CDH12: variants seen among roughly 807,000 people sequenced by gnomAD.
CDH12 encodes cadherin 12, also known as cadherin-12.
CDH12 carries 41 observed loss-of-function variants against 74.1 expected under a neutral mutation model. That is an observed-to-expected ratio of 0.55 (90% CI 0.43 to 0.72). The LOEUF is 0.72. CDH12 is among the 30% of genes least tolerant of loss of function. CDH12 has a pLI of 0.00. For missense variants in CDH12, 945 were observed against 977.2 expected, an observed-to-expected ratio of 0.97 and a Z score of 0.44; for synonymous variants, 399 against 355.0, an observed-to-expected ratio of 1.12 and a Z score of -1.39.
chr5:22,832,919 A>G (rs544796825), intron 1 of CDH12, among the ~76,000 whole-genome samples: 1 of 152,262 alleles, frequency 6.6e-6, no homozygotes, highest in South Asian at 2.1e-4. Context: ...AGCGCCATTC[A>G]GGTGTTTTTA....
rs116725925 is a variant in CDH12 at position 22,550,650 on chromosome 5, C to G, written c.-522-45286G>C. On this transcript the variant is annotated intron_variant, in intron 1 of 14. Coordinates refer to ENST00000382254, the MANE Select transcript of CDH12 (RefSeq NM_004061.5). ...ATTTCTTTTTGTCCACACACTGCAA[C>G]TTAATGGTTTCTCTGATCTTATCCC... is the stretch of plus-strand genomic sequence containing the variant. 2.0e-5 allele frequency among the ~76,000 whole-genome samples: 3 copies of G among 152,226 alleles called. No homozygotes were observed. The East Asian group carries it at 5.8e-4, about 29-fold the overall frequency.
chr5:21,963,318 TAATTA>T (rs1259300542), intron 6 of CDH12, among the ~76,000 whole-genome samples: 7 of 152,066 alleles, frequency 4.6e-5, no homozygotes, highest in African/African-American at 1.7e-4. Flanking sequence ...TTTTGGAACC[TAATTA>T]AATTAAGAGC....
intron 6 of CDH12, among the ~76,000 whole-genome samples, chr5:21,905,571 T>C (rs1224789997): frequency 6.6e-6 from 1 of 152,216 alleles, no homozygotes. Flanking sequence ...TGGCCACCTA[T>C]TGAGTCCCTT....
At chr5:22,618,865 C>T (rs749081552) in intron 1 of CDH12, among the ~76,000 whole-genome samples, 8 of 151,920 alleles carry the variant, frequency 5.3e-5, no homozygotes, top group Admixed American at 3.3e-4. Flanking sequence ...GTAAGTCTCA[C>T]GAGATCTGAT....
intron 1 of CDH12, among the ~76,000 whole-genome samples, chr5:22,726,425 A>G (rs1384542297): frequency 6.6e-6 from 1 of 151,664 alleles, no homozygotes; most frequent in Non-Finnish European, 1.5e-5. Flanking sequence ...ATGTATTTTT[A>G]TCTATTCATT....
chr5:22,829,727 C>G (rs1736498348), intron 1 of CDH12, among the ~76,000 whole-genome samples: 1 of 152,162 alleles, frequency 6.6e-6, no homozygotes, highest in African/African-American at 2.4e-5. Context: ...TTATGCATCC[C>G]CAGAATAAAT....
intron 3 of CDH12, among the ~76,000 whole-genome samples, chr5:22,372,772 C>G (rs778684407): frequency 6.6e-6 from 1 of 152,154 alleles, no homozygotes; most frequent in Non-Finnish European, 1.5e-5. Flanking sequence ...ACGGCTGGCA[C>G]CAATCTGAAA....
At chr5:22,627,127 A>G (rs1034766217) in intron 1 of CDH12, among the ~76,000 whole-genome samples, 3 of 152,120 alleles carry the variant, frequency 2.0e-5, no homozygotes, top group Non-Finnish European at 2.9e-5. Flanking sequence ...GTATCCCTAA[A>G]AGAGAGGGAG....
At chr5:22,203,528 C>G (rs1751036974) in intron 4 of CDH12, among the ~76,000 whole-genome samples, 1 of 152,176 alleles carries the variant, frequency 6.6e-6, no homozygotes, top group African/African-American at 2.4e-5. Context: ...CATATCTTGG[C>G]TGTTGTACAT....
intron 3 of CDH12, among the ~76,000 whole-genome samples, chr5:22,390,637 T>A (rs1012294097): frequency 6.6e-6 from 1 of 151,026 alleles, no homozygotes; most frequent in Non-Finnish European, 1.5e-5. Context: ...AGAATATTTT[T>A]AAAATATATT....
At chr5:22,154,634 G>A (rs116772887) in intron 4 of CDH12, among the ~76,000 whole-genome samples, 8,146 of 141,716 alleles carry the variant, frequency 0.057, 253 homozygotes, top group Non-Finnish European at 0.065. Context: ...ATATACACAC[G>A]TATACATGTA....
At chr5:22,198,535 T>G (rs56773823) in intron 4 of CDH12, among the ~76,000 whole-genome samples, 55,743 of 151,772 alleles carry the variant, frequency 0.37, 11,727 homozygotes, top group East Asian at 0.71. Context: ...ACCTAGCAAC[T>G]GGAATGTTAA....
chr5:21,958,931 T>A (rs1360412214), intron 6 of CDH12, among the ~76,000 whole-genome samples: 1 of 152,232 alleles, frequency 6.6e-6, no homozygotes, highest in Non-Finnish European at 1.5e-5. Flanking sequence ...GAGCATGATA[T>A]GTTTTCCATT....
chr5:22,535,690 G>T (rs1306394496), intron 1 of CDH12, among the ~76,000 whole-genome samples: 1 of 152,196 alleles, frequency 6.6e-6, no homozygotes, highest in Non-Finnish European at 1.5e-5. Context: ...GTATGCTAAT[G>T]TGCTTTCTCT....
At chr5:22,453,917 G>A (rs1411817947) in intron 2 of CDH12, among the ~76,000 whole-genome samples, 2 of 151,936 alleles carry the variant, frequency 1.3e-5, no homozygotes, top group Non-Finnish European at 2.9e-5. Flanking sequence ...AGTTATTACA[G>A]TTTTCATTAA....
In CDH12 at chr5:22,808,245, C is replaced by T. The variant is rs144855529; in HGVS notation, c.-523+44813G>A. 2.6e-3 allele frequency among the ~76,000 whole-genome samples: 401 copies of T among 152,260 alleles called. 1 individual carries two copies. The highest frequency in any genetic ancestry group is 4.0e-3 in the Non-Finnish European group (272 of 68,012). ...CTCTATATTTTTCCCCATTCAAATA[C>T]TTAATACTCTAATGATCACAATTAG... On this transcript the variant is annotated intron_variant, in intron 1 of 14. Transcript: ENST00000382254.
chr5:22,788,676 G>A (rs1318963994), intron 1 of CDH12, among the ~76,000 whole-genome samples: 1 of 147,874 alleles, frequency 6.8e-6, no homozygotes, highest in African/African-American at 2.5e-5. Flanking sequence ...TATAAAATAT[G>A]ATATAACATT....
At chr5:22,149,988 A>C (rs893960025) in intron 4 of CDH12, among the ~76,000 whole-genome samples, 3 of 152,114 alleles carry the variant, frequency 2.0e-5, no homozygotes, top group Admixed American at 1.3e-4. Flanking sequence ...AGCAAGTTTC[A>C]AAAAATAATA....
intron 13 of CDH12, among the ~76,000 whole-genome samples, chr5:21,756,530 G>A (rs1744406123): frequency 6.6e-6 from 1 of 152,054 alleles, no homozygotes; most frequent in Admixed American, 6.6e-5. Flanking sequence ...AATAATGTGA[G>A]ACAATAAAAA....
Sources: allele counts gnomAD v4.1 joint callset (sites outside exome capture counted in the v4.1 genomes callset), GRCh38; gene constraint gnomAD v4.1.1; transcripts MANE v1.5; gene names NCBI Gene and HGNC (gene_info 2026-07-23, HGNC 2026-07-21).